C6: variants seen among roughly 807,000 people sequenced by gnomAD.
C6 encodes complement component C6.
A neutral mutation model predicts 112.9 loss-of-function variants in C6; 101 were observed. The observed-to-expected ratio is 0.89, with a 90% CI of 0.76 to 1.06. C6 has a LOEUF of 1.06. Among genes scored for constraint, C6 ranks in the 50% least tolerant of loss-of-function variants. The probability of loss-of-function intolerance (pLI) is 0.00; values close to 1 mark genes in which losing one functional copy is unlikely to be tolerated. For synonymous variants in C6, 431 were observed against 384.1 expected (o/e 1.12, Z -1.43); for missense variants, 1,202 against 1,104.6 (o/e 1.09, Z -1.25).
rs574424404 is a variant in C6 at position 41,161,577 on chromosome 5, G to A, written c.1458+116C>T. The A allele has an allele frequency of 3.0e-4, 265 of 877,484 alleles. 1 individual carries two copies. The African/African-American group carries it at 4.1e-3, about 14-fold the overall frequency. The allele number at this position is 877,484 out of a possible 1,614,324, so 54.4% of individuals were successfully genotyped here. A position where few individuals can be genotyped will look rare whatever the true frequency, so the allele number is the denominator to read the frequency against. ...AGGTACATTGTGCATGAATACTAAA[G>A]AAAGGCATTTCTTTCATTGTCTGAG... On this transcript the variant is annotated intron_variant, in intron 10 of 17. Transcript: ENST00000337836.
At chr5:41,206,157 C>T (rs1751419424) in intron 1 of C6, among the ~76,000 whole-genome samples, 2 of 152,228 alleles carry the variant, frequency 1.3e-5, no homozygotes, top group African/African-American at 4.8e-5. Context: ...CCTGAGGGTC[C>T]TGACTGTTAG....
chr5:41,148,877 A>G (rs1746101842), intron 17 of C6, among the ~76,000 whole-genome samples: 1 of 152,206 alleles, frequency 6.6e-6, no homozygotes, highest in Non-Finnish European at 1.5e-5. Flanking sequence ...TTGGCCTCAG[A>G]CAGTCCCAAA....
intron 1 of C6, 54 bp from the exon 2 acceptor site, chr5:41,203,304 C>T: frequency 1.9e-6 from 3 of 1,554,976 alleles, no homozygotes; most frequent in South Asian, 1.1e-5. Context: ...GGTAAACCTT[C>T]ACAAGTCATC....
rs892712339 is a variant in C6, at chr5:41,142,978, C to A, written c.2652G>T (p.Leu884Phe). Reference sequence around the variant, plus strand: ...TTCCACCCTTGAAGCACTGTGGGGGCAATAGGCAGACACATTTGGAAGTGG... The same window carrying A: ...TTCCACCCTTGAAGCACTGTGGGGGAAATAGGCAGACACATTTGGAAGTGG... ...SASTSKCVCL[L>F]PPQCFKGGNQ... Residue 884 changes from leucine to phenylalanine, a missense_variant, in exon 18 of 18, where the codon TTG (leucine) becomes TTT (phenylalanine). Physicochemically the swap from Leu to Phe is conservative, Grantham distance 22. Coordinates refer to ENST00000337836, the MANE Select transcript of C6 (RefSeq NM_000065.5). 2.5e-6 allele frequency: 4 copies of A among 1,613,222 alleles called. No homozygotes were observed. The highest frequency in any genetic ancestry group is 1.3e-5 in the African/African-American group (1 of 74,742).
At chr5:41,231,128 G>A (rs1044307600) in intron 1 of C6, among the ~76,000 whole-genome samples, 1 of 151,870 alleles carries the variant, frequency 6.6e-6, no homozygotes, top group African/African-American at 2.4e-5. Context: ...GTTGGATCTT[G>A]TTTTCTTAAA....
In C6 at chr5:41,208,072, C is replaced by T. The variant is rs7725719; in HGVS notation, c.-20-4822G>A. ...AACTAGAACTCAGGGTTAAGAAACT[C>T]AAAACGCTCAACTACATGGAAACTG... On this transcript the variant is annotated intron_variant, in intron 1 of 17. Coordinates refer to ENST00000337836, the MANE Select transcript of C6 (RefSeq NM_000065.5). Among the ~76,000 whole-genome samples, 484 of 152,194 alleles carry T rather than the reference C, an allele frequency of 3.2e-3. 2 individuals are homozygous for T. Among genetic ancestry groups the T allele is most frequent in the African/African-American group, 0.011 (457 of 41,548 alleles).
intron 1 of C6, among the ~76,000 whole-genome samples, chr5:41,252,677 C>T (rs1741440292): frequency 6.6e-6 from 1 of 152,122 alleles, no homozygotes; most frequent in Non-Finnish European, 1.5e-5. Flanking sequence ...TTTCCTGATT[C>T]AGGGGAAATT....
chr5:41,257,651 C>T (rs958657560), intron 1 of C6, among the ~76,000 whole-genome samples: 2 of 152,060 alleles, frequency 1.3e-5, no homozygotes, highest in African/African-American at 2.4e-5. Flanking sequence ...TAGAAGCCAT[C>T]GGAATAGAAA....
chr5:41,178,557 C>T (rs1749058721), intron 7 of C6, among the ~76,000 whole-genome samples: 1 of 142,840 alleles, frequency 7.0e-6, no homozygotes, highest in Admixed American at 7.3e-5. Context: ...CTCATTGCAA[C>T]CTTTGCCTCC....
chr5:41,256,459 A>G (rs1340456586), intron 1 of C6, among the ~76,000 whole-genome samples: 1 of 146,374 alleles, frequency 6.8e-6, no homozygotes, highest in East Asian at 1.9e-4. Context: ...AAAAAAAAAA[A>G]GAGTCTTAGA....
intron 1 of C6, among the ~76,000 whole-genome samples, chr5:41,258,346 T>C (rs1741845465): frequency 6.6e-6 from 1 of 152,122 alleles, no homozygotes; most frequent in Non-Finnish European, 1.5e-5. Context: ...TTTTTTGTTT[T>C]TATTTTTGGC....
intron 1 of C6, among the ~76,000 whole-genome samples, chr5:41,242,667 T>C (rs1199685344): frequency 6.6e-6 from 1 of 152,192 alleles, no homozygotes; most frequent in Non-Finnish European, 1.5e-5. Context: ...AATAAATTTC[T>C]AGCCAAAATT....
intron 1 of C6, among the ~76,000 whole-genome samples, chr5:41,220,512 A>G (rs1739097152): frequency 6.6e-6 from 1 of 152,138 alleles, no homozygotes; most frequent in Non-Finnish European, 1.5e-5. Flanking sequence ...GTGTAATCAG[A>G]AAGAAGGCGT....
At position 41,142,444 on chromosome 5, in the gene C6, G is replaced by A. The variant is rs1745437672; in HGVS notation, c.*381C>T. 4.3e-6 allele frequency: 1 copy of A among 231,746 alleles called. No individual in the cohort carries two copies. The allele number at this position is 231,746 out of a possible 1,614,324, so 14.4% of individuals were successfully genotyped here. On this transcript the variant is annotated 3_prime_UTR_variant, in exon 18 of 18. Coordinates refer to ENST00000337836, the MANE Select transcript of C6 (RefSeq NM_000065.5). ...TCAAGAATGTGTTTCAGAGGTTCTG[G>A]AGATTTCTGTTTATTAACTCATTGA...
At chr5:41,160,692 G>A (rs891321016) in intron 10 of C6, among the ~76,000 whole-genome samples, 2 of 152,124 alleles carry the variant, frequency 1.3e-5, no homozygotes, top group Non-Finnish European at 2.9e-5. Flanking sequence ...CCAAGAGTTA[G>A]GCAACTCTTT....
chr5:41,196,038 C>A, intron 4 of C6, 105 bp from the exon 5 acceptor site: 1 of 1,303,822 alleles, frequency 7.7e-7, no homozygotes, highest in Non-Finnish European at 1.1e-6. Context: ...AAGTTGAAGG[C>A]AAGTCTTCAC....
chr5:41,196,058 T>TA (rs1750594534), intron 4 of C6, 125 bp from the exon 5 acceptor site: 1 of 1,123,362 alleles, frequency 8.9e-7, no homozygotes, highest in Admixed American at 1.9e-5. Context: ...CTGTTTTTGA[T>TA]AGAGTTTTAG....
At chr5:41,165,319 T>C (rs149574880) in intron 9 of C6, among the ~76,000 whole-genome samples, 1 of 152,206 alleles carries the variant, frequency 6.6e-6, no homozygotes, top group African/African-American at 2.4e-5. Flanking sequence ...CATAAATATG[T>C]GTGCGTGCAT....
At chr5:41,232,189 C>G (rs13167641) in intron 1 of C6, among the ~76,000 whole-genome samples, 106,396 of 151,880 alleles carry the variant, frequency 0.7, 37,401 homozygotes, top group African/African-American at 0.73. Flanking sequence ...AATATTTGAA[C>G]ATAAAAAGCT....
Sources: gnomAD v4.1 joint callset for allele counts (sites outside exome capture counted in the v4.1 genomes callset) on GRCh38, gnomAD v4.1.1 for gene constraint, MANE v1.5 for transcripts, NCBI Gene and HGNC (gene_info 2026-07-23, HGNC 2026-07-21) for gene names.